The following CLPTM1 variants were observed in gnomAD, a reference collection of about 807,000 sequenced individuals.
CLPTM1 encodes putative lipid scramblase CLPTM1.
In CLPTM1, 21 loss-of-function variants were observed where a neutral mutation model predicts 77.3. The observed-to-expected ratio is 0.27, with a 90% CI of 0.19 to 0.39. The LOEUF (loss-of-function observed/expected upper bound fraction) is 0.39, where lower values mean the gene tolerates loss of function less well. Ranked by LOEUF, CLPTM1 falls within the 10% of genes least tolerant of loss-of-function variation. The probability of loss-of-function intolerance (pLI) is 1.00; values close to 1 mark genes in which losing one functional copy is unlikely to be tolerated. For synonymous variants in CLPTM1, 373 were observed against 381.0 expected (o/e 0.98, Z 0.24); for missense variants, 642 against 921.2 (o/e 0.70, Z 3.92).
At chr19:44,969,220 T>C (rs1970680828) in intron 2 of CLPTM1, among the ~76,000 whole-genome samples, 1 of 152,190 alleles carries the variant, frequency 6.6e-6, no homozygotes, top group Admixed American at 6.5e-5. Flanking sequence ...TATAATTTAA[T>C]GTGTTTAATG....
At chr19:44,974,748 G>C in intron 4 of CLPTM1, 151 bp downstream of exon 4, 1 of 856,710 alleles carries the variant, frequency 1.2e-6, no homozygotes. Flanking sequence ...CCACAAGCCA[G>C]TCCCTGAGAT....
chr19:44,980,916 C>T (rs2122304548), intron 5 of CLPTM1, among the ~76,000 whole-genome samples: 1 of 151,884 alleles, frequency 6.6e-6, no homozygotes, highest in South Asian at 2.1e-4. Context: ...CGGCTCACTG[C>T]AAGCTCTGCC....
At chr19:44,982,856 AT>A (rs1479475580) in intron 5 of CLPTM1, among the ~76,000 whole-genome samples, 1 of 152,088 alleles carries the variant, frequency 6.6e-6, no homozygotes, top group East Asian at 1.9e-4. Flanking sequence ...TGAGGTTAGA[AT>A]TTGAGACCAG....
At chr19:44,986,661 C>T (rs1250807146) in intron 7 of CLPTM1, 86 bp downstream of exon 7, 4 of 1,519,288 alleles carry the variant, frequency 2.6e-6, no homozygotes, top group Middle Eastern at 3.9e-4. Context: ...TGGCCCTGTC[C>T]CCCTGAGAGA....
rs768475727 is a variant in CLPTM1 at position 44,961,958 on chromosome 19, C to A, written c.73-5C>A. 5.9e-5 allele frequency: 95 copies of A among 1,596,808 alleles called. No homozygotes were observed. The Admixed American group carries it at 1.5e-3, about 26-fold the overall frequency. On this transcript the variant is annotated splice_polypyrimidine_tract_variant and splice_region_variant and intron_variant, in intron 1 of 13. Coordinates refer to ENST00000337392, the MANE Select transcript of CLPTM1 (RefSeq NM_001294.4). Reference sequence around the variant, plus strand: ...CCTCCTTACCCTGGCCTCTGTCCCCCACAGGTGACCAGCAATGGCAGCATC... The same window carrying A: ...CCTCCTTACCCTGGCCTCTGTCCCCAACAGGTGACCAGCAATGGCAGCATC...
intron 1 of CLPTM1, among the ~76,000 whole-genome samples, chr19:44,956,412 T>C (rs1446877783): frequency 6.6e-6 from 1 of 152,174 alleles, no homozygotes; most frequent in African/African-American, 2.4e-5. Flanking sequence ...ATGTAAACAG[T>C]TGTAATCCTG....
At chr19:44,989,439 A>G (rs548823047) in intron 9 of CLPTM1, among the ~76,000 whole-genome samples, 46 of 151,090 alleles carry the variant, frequency 3.0e-4, no homozygotes, top group African/African-American at 1.0e-3. Flanking sequence ...CTTGGGCCCA[A>G]CTGCTCCCAC....
At position 44,971,867 on chromosome 19, in the gene CLPTM1, C is replaced by CTTTTTTTTTT. The variant is rs10693027; in HGVS notation, c.186-1207_186-1198dup. 1.1e-4 allele frequency among the ~76,000 whole-genome samples: 9 copies of CTTTTTTTTTT among 83,288 alleles called. 1 individual carries two copies. The highest frequency in any genetic ancestry group is 7.0e-4 in the East Asian group (2 of 2,874). The allele number at this position is 83,288 out of a possible 152,430, so 54.6% of individuals were successfully genotyped here. On this transcript the variant is annotated intron_variant, in intron 2 of 13. Transcript: ENST00000337392. ...AGCTGCTACACCTGACCCAATTATA[C>CTTTTTTTTTT]TTTTTTTTTTTTTTTTTTTTTTGAG...
At chr19:44,973,761 GTT>G (rs71173113) in intron 3 of CLPTM1, among the ~76,000 whole-genome samples, 1 of 62,454 alleles carries the variant, frequency 1.6e-5, no homozygotes, top group African/African-American at 4.4e-5. Flanking sequence ...GTCACAGTGG[GTT>G]TTTTTTTTTT....
upstream of CLPTM1, chr19:44,955,253 C>G (rs908264651): frequency 6.7e-7 from 1 of 1,487,948 alleles, no homozygotes; most frequent in Non-Finnish European, 8.9e-7. Flanking sequence ...CGGAAGTGGC[C>G]TTCCTGAGAG....
chr19:44,990,474 C>G lies in CLPTM1; in HGVS notation c.1212C>G (p.Phe404Leu). Residue 404 changes from phenylalanine (F) to leucine (L), a missense_variant, in exon 10 of 14, where the codon TTC becomes TTG. Physicochemically the swap from Phe to Leu is conservative, Grantham distance 22. Around this residue, in one of 2 missense-constraint regions of CLPTM1, gnomAD observed 521 missense variants for 800.4 expected, o/e 0.65. Coordinates refer to ENST00000337392, the MANE Select transcript of CLPTM1 (RefSeq NM_001294.4). The surrounding 1 kb of genome is among the most constrained non-coding windows in gnomAD (Gnocchi z 4.8). ...RSVFFGVFQS[F>L]VVLLYILDNE... ...TCTTCTTCGGCGTTTTCCAGTCATT[C>G]GTGGTCCTCCTCTACATCCTGGACA... 1 of 1,614,122 alleles carries G rather than the reference C, an allele frequency of 6.2e-7. No homozygotes were observed. Among genetic ancestry groups the G allele is most frequent in the South Asian group, 1.1e-5 (1 of 91,088 alleles).
intron 2 of CLPTM1, among the ~76,000 whole-genome samples, chr19:44,966,986 C>A (rs998328750): frequency 6.6e-6 from 1 of 152,060 alleles, no homozygotes; most frequent in African/African-American, 2.4e-5. Context: ...GGACTACAGG[C>A]GCCCGCCACA....
At chr19:44,959,065 G>T (rs1294931652) in intron 1 of CLPTM1, among the ~76,000 whole-genome samples, 1 of 152,192 alleles carries the variant, frequency 6.6e-6, no homozygotes, top group African/African-American at 2.4e-5. Context: ...GCTCACAGTT[G>T]TTCCTTTTCA....
chr19:44,991,511 C>A lies in CLPTM1; in HGVS notation c.1555+138C>A. On this transcript the variant is annotated intron_variant, in intron 12 of 13. Coordinates refer to ENST00000337392, the MANE Select transcript of CLPTM1 (RefSeq NM_001294.4). The surrounding 1 kb of genome is among the most constrained non-coding windows in gnomAD (Gnocchi z 5.4). Reference sequence around the variant, plus strand: ...GCTGGGATATAGGGAGGCCCGAGGGCACACATGGCCCCATCTGGGGTCAGA... The same window carrying A: ...GCTGGGATATAGGGAGGCCCGAGGGAACACATGGCCCCATCTGGGGTCAGA... 1.0e-6 allele frequency: 1 copy of A among 980,952 alleles called. No homozygotes were observed. Among genetic ancestry groups the A allele is most frequent in the Non-Finnish European group, 1.5e-6 (1 of 666,194 alleles). 60.8% of individuals were successfully genotyped at this position (980,952 alleles called of 1,614,324 possible). A position where few individuals can be genotyped will look rare whatever the true frequency, so the allele number is the denominator to read the frequency against.
rs79312954 is a variant in CLPTM1, at chr19:44,966,557, A to G, written c.185+4482A>G. On this transcript the variant is annotated intron_variant, in intron 2 of 13. Transcript: ENST00000337392. ...GGAGGCGGGGGGCAGGTAGTGTCAGATAGCGTGTAAGAGCACAGCCCTGCT... is the reference window on the plus strand; with the variant it reads ...GGAGGCGGGGGGCAGGTAGTGTCAGGTAGCGTGTAAGAGCACAGCCCTGCT... Among the ~76,000 whole-genome samples, 1,152 of 152,302 alleles carry G rather than the reference A, an allele frequency of 7.6e-3. 12 individuals are homozygous for G. Among genetic ancestry groups the G allele is most frequent in the African/African-American group, 0.027 (1,102 of 41,554 alleles).
chr19:44,961,913 C>A, intron 1 of CLPTM1, 50 bp from the exon 2 acceptor site: 1 of 1,285,644 alleles, frequency 7.8e-7, no homozygotes, highest in Non-Finnish European at 1.1e-6. Context: ...GTGTCTAAGA[C>A]AGCCCCCGTG....
chr19:44,973,305 C>G (rs1267058080), intron 3 of CLPTM1, 95 bp downstream of exon 3: 3 of 1,543,824 alleles, frequency 1.9e-6, no homozygotes, highest in Non-Finnish European at 2.6e-6. Flanking sequence ...CAGACCAGGT[C>G]CTTGCTCACT....
At chr19:44,986,709 T>C in intron 7 of CLPTM1, 134 bp downstream of exon 7, 4 of 1,180,044 alleles carry the variant, frequency 3.4e-6, no homozygotes, top group Non-Finnish European at 4.6e-6. Context: ...TCCCACCCTG[T>C]CCTATCCCCT....
intron 8 of CLPTM1, chr19:44,987,797 T>C: frequency 1.8e-6 from 1 of 563,822 alleles, no homozygotes; most frequent in Admixed American, 3.1e-5. Context: ...TGGGCTGTCG[T>C]CACTGTTGGG....
Sources: allele counts gnomAD v4.1 joint callset (sites outside exome capture counted in the v4.1 genomes callset), GRCh38; gene constraint gnomAD v4.1.1; regional missense constraint gnomAD v4.1.1; non-coding constraint Gnocchi (gnomAD v3.1); transcripts MANE v1.5; gene names NCBI Gene and HGNC (gene_info 2026-07-23, HGNC 2026-07-21).